Variants in SLC24A2 observed in about 807,000 individuals in gnomAD.
SLC24A2 encodes solute carrier family 24 member 2.
A neutral mutation model predicts 62.0 loss-of-function variants in SLC24A2; 36 were observed. That is an observed-to-expected ratio of 0.58 (90% CI 0.44 to 0.77). The LOEUF is 0.77. SLC24A2 is among the 30% of genes least tolerant of loss of function. SLC24A2 has a pLI of 0.00. For synonymous variants in SLC24A2, 358 were observed against 294.0 expected (o/e 1.22, Z -2.23); for missense variants, 846 against 817.9 (o/e 1.03, Z -0.42).
chr9:19,750,037 G>A (rs774679977), intron 2 of SLC24A2, among the ~76,000 whole-genome samples: 1 of 152,202 alleles, frequency 6.6e-6, no homozygotes, highest in African/African-American at 2.4e-5. Context: ...CAGAGGAACT[G>A]CAGTTGCCCA....
the SLC24A2 span, among the ~76,000 whole-genome samples, chr9:20,032,455 T>C: frequency 1.3e-5 from 2 of 152,246 alleles, no homozygotes; most frequent in African/African-American, 4.8e-5. Context: ...ATTACATCTT[T>C]TGTGTTTTAG....
the SLC24A2 span, among the ~76,000 whole-genome samples, chr9:19,958,891 C>T: frequency 6.6e-6 from 1 of 152,214 alleles, no homozygotes; most frequent in East Asian, 1.9e-4. Context: ...ATCCAACCAT[C>T]ATTTTTGAGG....
the SLC24A2 span, among the ~76,000 whole-genome samples, chr9:19,805,232 C>A: frequency 6.6e-6 from 1 of 152,104 alleles, no homozygotes; most frequent in Non-Finnish European, 1.5e-5. Context: ...TTGACTTACC[C>A]TCTTTAGCTG....
At chr9:20,045,704 T>C in the SLC24A2 span, among the ~76,000 whole-genome samples, 1 of 152,130 alleles carries the variant, frequency 6.6e-6, no homozygotes, top group South Asian at 2.1e-4. Context: ...GAGCTGGAAT[T>C]ACAGGGGTGA....
intron 2 of SLC24A2, among the ~76,000 whole-genome samples, chr9:19,636,386 T>TCTTTCTTTCTTTCTTTCTTTCTTCCTTC (rs1554690439): frequency 4.3e-5 from 1 of 23,396 alleles, no homozygotes; most frequent in African/African-American, 1.6e-4. Context: ...TTTCTTTCTT[T>TCTTTCTTTCTTTCTTTCTTTCTTCCTTC]CTCCCTCTCT....
chr9:19,632,608 A>G lies in SLC24A2; in HGVS notation c.931-10309T>C, dbSNP rs1319293593. 6.6e-6 allele frequency among the ~76,000 whole-genome samples: 1 copy of G among 152,234 alleles called. No individual in the cohort carries two copies. The highest frequency in any genetic ancestry group is 1.5e-5 in the Non-Finnish European group (1 of 68,040). ...ATGCTCATTCATAATCTTAGGTGGC[A>G]GGTATTATTAGGAAACATTTTTAAT... is the stretch of plus-strand genomic sequence containing the variant. On this transcript the variant is annotated intron_variant, in intron 2 of 10. Transcript: ENST00000341998. The surrounding 1 kb of genome is among the most constrained non-coding windows in gnomAD (Gnocchi z 4.5).
chr9:20,198,670 ACTCTCTCT>A, the SLC24A2 span, among the ~76,000 whole-genome samples: 4 of 143,416 alleles, frequency 2.8e-5, no homozygotes, highest in Non-Finnish European at 4.6e-5. Context: ...TCTCTCTCTC[ACTCTCTCT>A]CTCTCTCCAC....
rs528929980 is a variant in SLC24A2 at position 19,561,530 on chromosome 9, G to A, written c.1348-11262C>T. On this transcript the variant is annotated intron_variant, in intron 7 of 10. Transcript: ENST00000341998. ...GCTCACTGCAACCTCCGCCTCCTGG[G>A]TTCAAGGGATTTTCCTGCCTCAGCC... 3.3e-5 allele frequency among the ~76,000 whole-genome samples: 5 copies of A among 150,632 alleles called. 1 individual carries two copies. In the South Asian group the frequency reaches 8.4e-4, roughly 25 times the overall value.
chr9:19,624,604 A>G (rs901429204), intron 2 of SLC24A2, among the ~76,000 whole-genome samples: 41 of 152,306 alleles, frequency 2.7e-4, no homozygotes, highest in Middle Eastern at 3.4e-3. Context: ...CAGGCCTGAA[A>G]TTCTCTATAA....
the SLC24A2 span, among the ~76,000 whole-genome samples, chr9:20,154,552 G>C: frequency 6.6e-6 from 1 of 151,512 alleles, no homozygotes; most frequent in Admixed American, 6.6e-5. Flanking sequence ...CTTCCAAAAA[G>C]GAAACGTGTG....
At chr9:19,582,371 G>T (rs545172406) in intron 5 of SLC24A2, among the ~76,000 whole-genome samples, 2 of 152,278 alleles carry the variant, frequency 1.3e-5, no homozygotes, top group South Asian at 4.2e-4. Context: ...ATAATAGGCA[G>T]GGTTACTGGG....
chr9:20,179,930 C>T, the SLC24A2 span, among the ~76,000 whole-genome samples: 1 of 152,156 alleles, frequency 6.6e-6, no homozygotes, highest in South Asian at 2.1e-4. Flanking sequence ...CCTAAGATGA[C>T]ATTAAACCAC....
chr9:19,768,619 A>T (rs1822589382), intron 2 of SLC24A2, among the ~76,000 whole-genome samples: 1 of 152,216 alleles, frequency 6.6e-6, no homozygotes, highest in Admixed American at 6.5e-5. Flanking sequence ...GATTATTCAC[A>T]TTCTGGGTGG....
At chr9:20,263,206 A>G in the SLC24A2 span, among the ~76,000 whole-genome samples, 1 of 152,216 alleles carries the variant, frequency 6.6e-6, no homozygotes, top group Non-Finnish European at 1.5e-5. Flanking sequence ...CAATAAAATT[A>G]ACCAAGACCT....
At position 19,516,094 on chromosome 9, in the gene SLC24A2, C is replaced by G; in HGVS notation, c.*59G>C. The G allele has an allele frequency of 6.2e-7, 1 of 1,609,394 alleles. No homozygotes were observed. The highest frequency in any genetic ancestry group is 1.1e-5 in the South Asian group (1 of 90,428). Reference sequence around the variant, plus strand: ...CCTCTTCTCAAGAGGTCAAGGAGCCCAGAGCCCAGAGTGTGGAGGGACCAT... The same window carrying G: ...CCTCTTCTCAAGAGGTCAAGGAGCCGAGAGCCCAGAGTGTGGAGGGACCAT... On this transcript the variant is annotated 3_prime_UTR_variant, in exon 11 of 11. Transcript: ENST00000341998.
chr9:20,180,274 G>T, the SLC24A2 span, among the ~76,000 whole-genome samples: 1 of 152,108 alleles, frequency 6.6e-6, no homozygotes, highest in Non-Finnish European at 1.5e-5. Context: ...TTGCTATTAT[G>T]ATCAGCTGAG....
intron 4 of SLC24A2, among the ~76,000 whole-genome samples, chr9:19,615,347 A>G (rs896308040): frequency 6.6e-6 from 1 of 152,242 alleles, no homozygotes; most frequent in Non-Finnish European, 1.5e-5. Flanking sequence ...TACTGACTGC[A>G]GCGTTCATGC....
chr9:19,752,368 C>T (rs1240086682), intron 2 of SLC24A2, among the ~76,000 whole-genome samples: 1 of 152,050 alleles, frequency 6.6e-6, no homozygotes, highest in Non-Finnish European at 1.5e-5. Flanking sequence ...CCGACTCGAA[C>T]ACCAAGGGGT....
rs143598545 is a variant in SLC24A2, at chr9:19,528,711, T to C, written c.1480-573A>G. ...GAAAAAGCCACCACCACAACTTTTA[T>C]AGATTCTGGATGATGGCCATTCTCC... On this transcript the variant is annotated intron_variant, in intron 8 of 10. Coordinates refer to ENST00000341998, the MANE Select transcript of SLC24A2 (RefSeq NM_020344.4). 2.2e-4 allele frequency among the ~76,000 whole-genome samples: 34 copies of C among 152,158 alleles called. 1 individual carries two copies. Among genetic ancestry groups the C allele is most frequent in the Admixed American group, 2.2e-3 (34 of 15,272 alleles).
Sources: allele counts gnomAD v4.1 joint callset (sites outside exome capture counted in the v4.1 genomes callset), GRCh38; gene constraint gnomAD v4.1.1; non-coding constraint Gnocchi (gnomAD v3.1); transcripts MANE v1.5; gene names NCBI Gene and HGNC (gene_info 2026-07-23, HGNC 2026-07-21).